SYNE2: variants seen among roughly 807,000 people sequenced by gnomAD.
SYNE2 encodes spectrin repeat containing nuclear envelope protein 2, also known as nesprin-2.
SYNE2 carries 431 observed loss-of-function variants against 856.3 expected under a neutral mutation model. The observed-to-expected ratio is 0.50, with a 90% confidence interval of 0.47 to 0.55. The LOEUF is 0.55. Among genes scored for constraint, SYNE2 ranks in the 20% least tolerant of loss-of-function variants. The pLI, the probability that SYNE2 is intolerant of heterozygous loss-of-function variation, is 0.00. For missense variants in SYNE2, 8,129 were observed against 8,023.2 expected, an observed-to-expected ratio of 1.01 and a Z score of -0.50; for synonymous variants, 2,923 against 2,872.3, an observed-to-expected ratio of 1.02 and a Z score of -0.56.
chr14:64,048,332 A>G, intron 46 of SYNE2, 177 bp downstream of exon 46: 1 of 526,860 alleles, frequency 1.9e-6, no homozygotes, highest in South Asian at 3.1e-5. Flanking sequence ...AAATCTTTCC[A>G]TTTAGAAAGT....
intron 1 of SYNE2, among the ~76,000 whole-genome samples, chr14:63,816,461 C>T (rs1354325863): frequency 6.6e-6 from 1 of 151,976 alleles, no homozygotes; most frequent in African/African-American, 2.4e-5. Context: ...GACATGCTAC[C>T]CAAAATATGC....
chr14:64,018,582 G>T (rs188171775), intron 34 of SYNE2, among the ~76,000 whole-genome samples: 10 of 152,280 alleles, frequency 6.6e-5, no homozygotes, highest in African/African-American at 2.2e-4. Flanking sequence ...AAATATTTTA[G>T]CCTTGTGGAT....
chr14:64,010,064 C>T lies in SYNE2; in HGVS notation c.4676C>T (p.Ser1559Phe). The T allele has an allele frequency of 6.2e-7, 1 of 1,613,976 alleles. No individual in the cohort carries two copies. ...ATTCAAAAAGAAGAGAGTGTCATCT[C>T]CCTGCAGGCTTCGTACATGGGAAAG... ...TLIQKEESVI[S>F]LQASYMGKEN... The change falls in exon 32 of 116, where the codon TCC becomes TTC. Residue 1559 changes from serine (S) to phenylalanine (F), a missense_variant. Physicochemically the swap from Ser to Phe is radical, Grantham distance 155. Coordinates refer to ENST00000555002, the MANE Select transcript of SYNE2 (RefSeq NM_182914.3).
chr14:63,829,645 T>C (rs912010320), intron 1 of SYNE2, among the ~76,000 whole-genome samples: 1 of 152,184 alleles, frequency 6.6e-6, no homozygotes, highest in African/African-American at 2.4e-5. Context: ...AAGACAGCTC[T>C]TGCTCTGTTG....
chr14:64,154,837 C>T (rs531922939), intron 85 of SYNE2, among the ~76,000 whole-genome samples: 1 of 150,144 alleles, frequency 6.7e-6, no homozygotes, highest in African/African-American at 2.4e-5. Flanking sequence ...ATAAACATTT[C>T]TGTAAAGAAG....
At position 63,943,654 on chromosome 14, in the gene SYNE2, A is replaced by AT. The variant is rs769970245; in HGVS notation, c.408+1518dup. Among the ~76,000 whole-genome samples, 288 of 142,524 alleles carry AT rather than the reference A, an allele frequency of 2.0e-3. 1 individual carries two copies. The highest frequency in any genetic ancestry group is 3.5e-3 in the Non-Finnish European group (230 of 65,624). The allele number at this position is 142,524 out of a possible 152,430, so 93.5% of individuals were successfully genotyped here. On this transcript the variant is annotated intron_variant, in intron 6 of 115. Coordinates refer to ENST00000555002, the MANE Select transcript of SYNE2 (RefSeq NM_182914.3). ...TTGTATCTGTGTTTTATTTATTTTT[A>AT]TTTTTTTATTACTTATTATTATTAT... is the stretch of plus-strand genomic sequence containing the variant.
intron 21 of SYNE2, among the ~76,000 whole-genome samples, chr14:63,991,616 T>G (rs2096667072): frequency 6.6e-6 from 1 of 152,150 alleles, no homozygotes; most frequent in Non-Finnish European, 1.5e-5. Context: ...GGAGACAGTT[T>G]CAGGTTGATT....
At chr14:63,875,663 G>T (rs780488117) in intron 1 of SYNE2, among the ~76,000 whole-genome samples, 2 of 152,116 alleles carry the variant, frequency 1.3e-5, no homozygotes, top group Non-Finnish European at 2.9e-5. Context: ...AAAAAATGAA[G>T]TGAGTAACAC....
intron 1 of SYNE2, among the ~76,000 whole-genome samples, chr14:63,810,047 C>T (rs1291489891): frequency 6.6e-6 from 1 of 152,104 alleles, no homozygotes; most frequent in Non-Finnish European, 1.5e-5. Flanking sequence ...CTTAGCCAGA[C>T]ACTGTCTCTA....
intron 84 of SYNE2, among the ~76,000 whole-genome samples, chr14:64,151,443 AAAAG>A (rs1169633695): frequency 2.7e-4 from 35 of 127,396 alleles, no homozygotes; most frequent in African/African-American, 1.2e-3. Context: ...AAAAAAAAAA[AAAAG>A]CTGGGATCCT....
chr14:63,974,790 A>ATATGTGTATT, intron 11 of SYNE2, among the ~76,000 whole-genome samples: 1 of 103,226 alleles, frequency 9.7e-6, no homozygotes, highest in Non-Finnish European at 1.9e-5. Flanking sequence ...GTGTGTATAT[A>ATATGTGTATT]TATGTGTATA....
rs190942861 is a variant in SYNE2, at chr14:64,158,867, G to C, written c.15963+72G>C. On this transcript the variant is annotated intron_variant, in intron 86 of 115. Transcript: ENST00000555002. ...CAAATGGGAGGAAGCACAGTAACGG[G>C]CATAACTGTGTTTGTGCCCTCCCAC... is the stretch of plus-strand genomic sequence containing the variant. 1.7e-5 allele frequency: 25 copies of C among 1,509,006 alleles called. No individual in the cohort carries two copies. The Admixed American group carries it at 4.2e-4, about 26-fold the overall frequency. The allele number at this position is 1,509,006 out of a possible 1,614,324, so 93.5% of individuals were successfully genotyped here.
At chr14:64,094,946 T>A (rs376576949) in intron 61 of SYNE2, 1 of 168,204 alleles carries the variant, frequency 5.9e-6, no homozygotes, top group African/African-American at 2.4e-5. Flanking sequence ...AGTAACATTT[T>A]TTTAAAGTAG....
chr14:64,042,521 CATGGGAGGAACCCA>C (rs753166137), intron 45 of SYNE2, among the ~76,000 whole-genome samples: 3 of 152,190 alleles, frequency 2.0e-5, no homozygotes, highest in Admixed American at 6.5e-5. Flanking sequence ...TCCGACATGT[CATGGGAGGAACCCA>C]GTGGGAGGTG....
intron 1 of SYNE2, among the ~76,000 whole-genome samples, chr14:63,771,171 GC>G (rs1413555805): frequency 1.4e-5 from 2 of 147,466 alleles, no homozygotes; most frequent in African/African-American, 5.0e-5. Flanking sequence ...CCGGGTTCAC[GC>G]CATTCTCCTG....
At chr14:63,787,198 A>T (rs1452078868) in intron 1 of SYNE2, among the ~76,000 whole-genome samples, 1 of 152,174 alleles carries the variant, frequency 6.6e-6, no homozygotes, top group African/African-American at 2.4e-5. Context: ...CAACATTCCA[A>T]ATCTTCTCTT....
chr14:64,078,112 G>A (rs942143910), intron 54 of SYNE2, among the ~76,000 whole-genome samples: 5 of 151,894 alleles, frequency 3.3e-5, no homozygotes, highest in Admixed American at 1.3e-4. Context: ...TATCCCCCAG[G>A]AATTCATTTA....
At chr14:64,209,173 C>T (rs1265622759) in intron 101 of SYNE2, 2 of 813,726 alleles carry the variant, frequency 2.5e-6, no homozygotes, top group African/African-American at 3.4e-5. Context: ...GGCCGCTGTG[C>T]TTCCGTTGAC....
intron 88 of SYNE2, 108 bp downstream of exon 88, chr14:64,162,384 G>A: frequency 8.4e-7 from 1 of 1,191,724 alleles, no homozygotes; most frequent in Non-Finnish European, 1.2e-6. Flanking sequence ...AGAGTAGTCA[G>A]GACAGGTGCT....
Sources: allele counts gnomAD v4.1 joint callset (sites outside exome capture counted in the v4.1 genomes callset), GRCh38; gene constraint gnomAD v4.1.1; transcripts MANE v1.5; gene names NCBI Gene and HGNC (gene_info 2026-07-23, HGNC 2026-07-21).